GLRA1: variants seen among roughly 807,000 people sequenced by gnomAD.
GLRA1 encodes the protein glycine receptor alpha 1.
In GLRA1, 37 loss-of-function variants were observed where a neutral mutation model predicts 48.3. The ratio of observed to expected loss-of-function variants is 0.77; its 90% CI spans 0.59 to 1.01. The LOEUF (loss-of-function observed/expected upper bound fraction) is 1.01, where lower values mean the gene tolerates loss of function less well. GLRA1 is among the 50% of genes least tolerant of loss of function. The pLI, the probability that GLRA1 is intolerant of heterozygous loss-of-function variation, is 0.00. For synonymous variants in GLRA1, 196 were observed against 210.7 expected (o/e 0.93, Z 0.60); for missense variants, 427 against 571.0 (o/e 0.75, Z 2.57).
chr5:151,865,357 G>A (rs1216254457), intron 3 of GLRA1, among the ~76,000 whole-genome samples: 1 of 152,148 alleles, frequency 6.6e-6, no homozygotes, highest in Non-Finnish European at 1.5e-5. Flanking sequence ...TTTAAGGTGA[G>A]ACCAAATACG....
At chr5:151,845,894 C>T (rs1459865259) in intron 7 of GLRA1, among the ~76,000 whole-genome samples, 1 of 152,134 alleles carries the variant, frequency 6.6e-6, no homozygotes, top group Non-Finnish European at 1.5e-5. Flanking sequence ...GAATGAAGTA[C>T]TGATGCATTC....
intron 5 of GLRA1, among the ~76,000 whole-genome samples, chr5:151,855,683 C>T (rs910354403): frequency 2.6e-5 from 4 of 152,232 alleles, no homozygotes; most frequent in Non-Finnish European, 4.4e-5. Context: ...ATTCCCCTCA[C>T]GGGTAGTGCT....
chr5:151,867,610 A>T (rs1281248379), intron 3 of GLRA1, among the ~76,000 whole-genome samples: 2 of 152,176 alleles, frequency 1.3e-5, no homozygotes, highest in Non-Finnish European at 2.9e-5. Flanking sequence ...CATACATGTC[A>T]GCTTATTTTA....
chr5:151,911,020 TCTCAGCCAGGC>T (rs996838574), intron 1 of GLRA1, among the ~76,000 whole-genome samples: 14 of 152,320 alleles, frequency 9.2e-5, no homozygotes, highest in South Asian at 8.3e-4. Context: ...AATTATTCTC[TCTCAGCCAGGC>T]TTCTAATTGA....
chr5:151,831,070 A>G (rs1763409449), intron 7 of GLRA1, among the ~76,000 whole-genome samples: 2 of 152,158 alleles, frequency 1.3e-5, no homozygotes, highest in South Asian at 2.1e-4. Flanking sequence ...CCCCTGGCCA[A>G]GGGAAGCCCT....
chr5:151,905,134 T>C (rs1428953506), intron 1 of GLRA1, among the ~76,000 whole-genome samples: 1 of 152,164 alleles, frequency 6.6e-6, no homozygotes, highest in Non-Finnish European at 1.5e-5. Flanking sequence ...CTGGTTGCCC[T>C]CAGACCAGAT....
intron 1 of GLRA1, among the ~76,000 whole-genome samples, chr5:151,907,870 C>T (rs1331395290): frequency 6.6e-6 from 1 of 152,190 alleles, no homozygotes; most frequent in Non-Finnish European, 1.5e-5. Flanking sequence ...TGATGATGCC[C>T]AGGATTCTTT....
intron 3 of GLRA1, among the ~76,000 whole-genome samples, chr5:151,876,878 G>T (rs1172640228): frequency 2.0e-5 from 3 of 152,050 alleles, no homozygotes; most frequent in Non-Finnish European, 4.4e-5. Context: ...CATGAGGGTG[G>T]GGCCCTAATT....
intron 7 of GLRA1, among the ~76,000 whole-genome samples, chr5:151,839,503 G>C (rs1581605388): frequency 6.6e-6 from 1 of 152,298 alleles, no homozygotes; most frequent in African/African-American, 2.4e-5. Flanking sequence ...AGGTAATTGA[G>C]ATATATATAG....
Position 151,870,430 on chromosome 5 carries a change from C to T in GLRA1, c.253-10422G>A, listed in dbSNP as rs557489227. 5.3e-5 allele frequency among the ~76,000 whole-genome samples: 8 copies of T among 149,860 alleles called. No homozygotes were observed. The East Asian group carries it at 1.2e-3, about 22-fold the overall frequency. On this transcript the variant is annotated intron_variant, in intron 3 of 8. Transcript: ENST00000274576. ...CCTCTGAGAGTTAAAAAACAAACAACGGAGATGAATATGCAATGGAGGGAT... is the reference window on the plus strand; with the variant it reads ...CCTCTGAGAGTTAAAAAACAAACAATGGAGATGAATATGCAATGGAGGGAT...
At chr5:151,860,039 A>G in intron 3 of GLRA1, 31 bp from the exon 4 acceptor site, 1 of 1,536,470 alleles carries the variant, frequency 6.5e-7, no homozygotes, top group Non-Finnish European at 9.0e-7. Context: ...GGTGAAGGCA[A>G]TGTTAGGCCC....
intron 1 of GLRA1, among the ~76,000 whole-genome samples, chr5:151,908,208 G>A (rs930282239): frequency 6.6e-6 from 1 of 152,200 alleles, no homozygotes; most frequent in Non-Finnish European, 1.5e-5. Flanking sequence ...GGTCCCACCA[G>A]CAGGAAACAT....
At chr5:151,904,501 C>T (rs907490935) in intron 1 of GLRA1, among the ~76,000 whole-genome samples, 4 of 152,172 alleles carry the variant, frequency 2.6e-5, no homozygotes, top group Non-Finnish European at 4.4e-5. Context: ...TCATCCATAG[C>T]GTGTAGATAG....
intron 4 of GLRA1, among the ~76,000 whole-genome samples, chr5:151,856,868 C>T (rs1297039757): frequency 2.0e-5 from 3 of 152,204 alleles, no homozygotes; most frequent in African/African-American, 7.2e-5. Context: ...TACATACACA[C>T]ACATACAAAC....
chr5:151,822,988 C>T, intron 8 of GLRA1, 25 bp from the exon 9 acceptor site: 1 of 1,573,006 alleles, frequency 6.4e-7, no homozygotes, highest in Non-Finnish European at 8.6e-7. Flanking sequence ...ACATGGGGCT[C>T]TACTTAAAAT....
intron 7 of GLRA1, chr5:151,848,906 C>A: frequency 1.5e-6 from 1 of 681,236 alleles, no homozygotes; most frequent in South Asian, 1.4e-5. Context: ...AGCACATTCC[C>A]ACTTAAACAA....
chr5:151,914,110 A>G (rs1006584788), intron 1 of GLRA1, among the ~76,000 whole-genome samples: 2 of 152,242 alleles, frequency 1.3e-5, no homozygotes, highest in African/African-American at 4.8e-5. Context: ...CAGCAGGTCT[A>G]TTTTAAGAGT....
intron 3 of GLRA1, among the ~76,000 whole-genome samples, chr5:151,871,110 A>G (rs1462176023): frequency 1.3e-5 from 2 of 149,332 alleles, no homozygotes; most frequent in Non-Finnish European, 2.9e-5. Flanking sequence ...TCATCACCCC[A>G]TGGTCTGCTT....
At position 151,924,474 on chromosome 5, in the gene GLRA1, G is replaced by T. The variant is rs781124134; in HGVS notation, c.56+20C>A. 1.4e-6 allele frequency: 2 copies of T among 1,444,142 alleles called. No individual in the cohort carries two copies. The highest frequency in any genetic ancestry group is 2.0e-6 in the Non-Finnish European group (2 of 1,024,816). The allele number at this position is 1,444,142 out of a possible 1,614,324, so 89.5% of individuals were successfully genotyped here. ...CCCCCATTTCCATCAGAGCGATGTGGTCAGTAGAAAATTGCATACCTGAAG... is the reference window on the plus strand; with the variant it reads ...CCCCCATTTCCATCAGAGCGATGTGTTCAGTAGAAAATTGCATACCTGAAG... On this transcript the variant is annotated intron_variant, in intron 1 of 8. Coordinates refer to ENST00000274576, the MANE Select transcript of GLRA1 (RefSeq NM_000171.4).
Sources: allele counts gnomAD v4.1 joint callset (sites outside exome capture counted in the v4.1 genomes callset), GRCh38; gene constraint gnomAD v4.1.1; transcripts MANE v1.5; gene names NCBI Gene and HGNC (gene_info 2026-07-23, HGNC 2026-07-21).